KIF5C: variants seen among roughly 807,000 people sequenced by gnomAD.
KIF5C encodes the protein kinesin heavy chain isoform 5C.
A neutral mutation model predicts 125.2 loss-of-function variants in KIF5C; 18 were observed. That is an observed-to-expected ratio of 0.14 (90% CI 0.10 to 0.21). KIF5C has a LOEUF of 0.21. KIF5C is among the 10% of genes least tolerant of loss of function. The pLI is 1.00. For missense variants in KIF5C, 780 were observed against 1,183.8 expected, an observed-to-expected ratio of 0.66 and a Z score of 5.01; for synonymous variants, 405 against 434.0, an observed-to-expected ratio of 0.93 and a Z score of 0.83.
intron 12 of KIF5C, among the ~76,000 whole-genome samples, chr2:148,974,709 C>T (rs1371588909): frequency 6.6e-6 from 1 of 152,130 alleles, no homozygotes; most frequent in East Asian, 1.9e-4. Context: ...TTGATTTCTC[C>T]AAGGAATTGC....
rs182183374 is a variant in KIF5C at position 148,924,485 on chromosome 2, G to T, written c.217+2258G>T. Among the ~76,000 whole-genome samples the T allele has an allele frequency of 7.0e-6, 1 of 143,788 alleles. No homozygotes were observed. The highest frequency in any genetic ancestry group is 1.5e-5 in the Non-Finnish European group (1 of 67,306). 94.3% of individuals were successfully genotyped at this position (143,788 alleles called of 152,430 possible). ...TTTTCATTCCCTACCACTTCACTGG[G>T]TTAAAAAAAATATATTTTAAATGTT... On this transcript the variant is annotated intron_variant, in intron 2 of 25. Coordinates refer to ENST00000435030, the MANE Select transcript of KIF5C (RefSeq NM_004522.3). The surrounding 1 kb of genome is among the most constrained non-coding windows in gnomAD (Gnocchi z 4.0).
chr2:148,938,307 A>G (rs1442537895), intron 4 of KIF5C, among the ~76,000 whole-genome samples: 1 of 152,164 alleles, frequency 6.6e-6, no homozygotes, highest in Non-Finnish European at 1.5e-5. Context: ...ACATACCGCA[A>G]AATTCATCCT....
At chr2:149,009,657 G>A (rs1682123263) in intron 23 of KIF5C, among the ~76,000 whole-genome samples, 1 of 152,146 alleles carries the variant, frequency 6.6e-6, no homozygotes, top group African/African-American at 2.4e-5. Context: ...TGCAAAGCTG[G>A]GTCCAAACCC....
At chr2:149,009,895 G>A (rs1383201695) in intron 23 of KIF5C, among the ~76,000 whole-genome samples, 1 of 152,170 alleles carries the variant, frequency 6.6e-6, no homozygotes, top group African/African-American at 2.4e-5. Context: ...AGTTTCTTGT[G>A]GTGGGAAATA....
intron 2 of KIF5C, among the ~76,000 whole-genome samples, chr2:148,925,039 A>G (rs1213519622): frequency 1.3e-5 from 2 of 152,220 alleles, no homozygotes; most frequent in Non-Finnish European, 2.9e-5. Flanking sequence ...GAAAGGGTGT[A>G]TGCAAAATGC....
intron 10 of KIF5C, among the ~76,000 whole-genome samples, chr2:148,959,613 G>GT (rs1369879974): frequency 6.6e-6 from 1 of 152,178 alleles, no homozygotes; most frequent in African/African-American, 2.4e-5. Context: ...GATTCCCACT[G>GT]TTATTTGAGT....
At chr2:148,982,270 A>G (rs1201883884) in intron 14 of KIF5C, among the ~76,000 whole-genome samples, 4 of 152,204 alleles carry the variant, frequency 2.6e-5, no homozygotes, top group African/African-American at 9.6e-5. Context: ...GAAAGATGCC[A>G]TAGGTTCTGC....
intron 22 of KIF5C, among the ~76,000 whole-genome samples, chr2:149,007,594 G>T (rs1040731391): frequency 6.6e-6 from 1 of 152,264 alleles, no homozygotes; most frequent in East Asian, 1.9e-4. Flanking sequence ...TAGGTCCTGG[G>T]TTTATGTTTT....
At chr2:148,941,781 C>T in intron 5 of KIF5C, 123 bp downstream of exon 5, 1 of 1,454,886 alleles carries the variant, frequency 6.9e-7, no homozygotes, top group South Asian at 1.4e-5. Flanking sequence ...CTGTTGCCTT[C>T]AGGGTATATG....
chr2:149,006,277 A>T (rs973893129), intron 22 of KIF5C, among the ~76,000 whole-genome samples: 1 of 152,128 alleles, frequency 6.6e-6, no homozygotes, highest in Non-Finnish European at 1.5e-5. Flanking sequence ...TCTTACAAAG[A>T]TAGAGTCGGG....
Position 148,890,827 on chromosome 2 carries a change from C to G in KIF5C, c.126+15084C>G, listed in dbSNP as rs573088191. On this transcript the variant is annotated intron_variant, in intron 1 of 25. Coordinates refer to ENST00000435030, the MANE Select transcript of KIF5C (RefSeq NM_004522.3). The stretch of plus-strand genomic sequence containing the variant: ...ATTTCACAGTTTTATGGCTGGTAGC[C>G]CAAATGAGTTTCAACTGTTACGTGT... Among the ~76,000 whole-genome samples, 14 of 152,088 alleles carry G rather than the reference C, an allele frequency of 9.2e-5. 1 individual carries two copies. In the East Asian group the frequency reaches 2.7e-3, roughly 29 times the overall value.
At chr2:149,006,363 A>G (rs903402952) in intron 22 of KIF5C, among the ~76,000 whole-genome samples, 18 of 152,182 alleles carry the variant, frequency 1.2e-4, no homozygotes, top group African/African-American at 3.9e-4. Flanking sequence ...ACAAATTCCT[A>G]GAAGGGAGGA....
At chr2:148,889,039 T>G (rs1246130228) in intron 1 of KIF5C, among the ~76,000 whole-genome samples, 1 of 152,162 alleles carries the variant, frequency 6.6e-6, no homozygotes, top group African/African-American at 2.4e-5. Flanking sequence ...CAGAGCTGTG[T>G]TCTTTTGTTG....
intron 1 of KIF5C, among the ~76,000 whole-genome samples, chr2:148,893,618 G>T (rs772531039): frequency 6.6e-6 from 1 of 152,114 alleles, no homozygotes. Context: ...TTTCTCTTTA[G>T]TCACTTCCTT....
intron 1 of KIF5C, among the ~76,000 whole-genome samples, chr2:148,902,321 A>AT (rs138423915): frequency 0.06 from 8,658 of 144,714 alleles, 436 homozygotes; most frequent in African/African-American, 0.14. Context: ...TGCCAGAAAC[A>AT]TTTTTTTTTT....
chr2:148,907,022 T>A (rs949914445), intron 1 of KIF5C, among the ~76,000 whole-genome samples: 1 of 152,174 alleles, frequency 6.6e-6, no homozygotes, highest in Non-Finnish European at 1.5e-5. Flanking sequence ...ATCATTCAAC[T>A]GCACTCCATC....
intron 3 of KIF5C, among the ~76,000 whole-genome samples, chr2:148,932,586 C>T (rs1464051557): frequency 2.0e-5 from 3 of 152,186 alleles, no homozygotes; most frequent in Non-Finnish European, 4.4e-5. Context: ...AGAGACTGTT[C>T]TTTTGTTCTG....
intron 7 of KIF5C, 43 bp downstream of exon 7, chr2:148,942,803 CAG>C: frequency 6.3e-7 from 1 of 1,580,190 alleles, no homozygotes; most frequent in Non-Finnish European, 8.6e-7. Flanking sequence ...GCTTGGGAGA[CAG>C]ATATCTGCCC....
chr2:148,980,193 T>A (rs191585345), intron 13 of KIF5C, among the ~76,000 whole-genome samples: 1 of 152,154 alleles, frequency 6.6e-6, no homozygotes, highest in African/African-American at 2.4e-5. Flanking sequence ...AGGGAGATAA[T>A]CTACACTTTT....
Sources: gnomAD v4.1 joint callset for allele counts (sites outside exome capture counted in the v4.1 genomes callset) on GRCh38, gnomAD v4.1.1 for gene constraint, Gnocchi (gnomAD v3.1) non-coding constraint, MANE v1.5 for transcripts, NCBI Gene and HGNC (gene_info 2026-07-23, HGNC 2026-07-21) for gene names.